The following DLGAP2 variants were observed in gnomAD, a reference collection of about 807,000 sequenced individuals.
DLGAP2 encodes the protein disks large-associated protein 2.
In DLGAP2, 26 loss-of-function variants were observed where a neutral mutation model predicts 100.3. The observed-to-expected ratio is 0.26, with a 90% confidence interval of 0.19 to 0.36. The LOEUF is 0.36. DLGAP2 is among the 10% of genes least tolerant of loss of function. The probability of loss-of-function intolerance (pLI) is 1.00; values close to 1 mark genes in which losing one functional copy is unlikely to be tolerated. For missense variants in DLGAP2, 1,858 were observed against 1,453.2 expected, an observed-to-expected ratio of 1.28 and a Z score of -4.53; for synonymous variants, 886 against 630.1, an observed-to-expected ratio of 1.41 and a Z score of -6.08.
chr8:1,223,260 C>T (rs1048424637), intron 2 of DLGAP2, among the ~76,000 whole-genome samples: 38 of 152,216 alleles, frequency 2.5e-4, no homozygotes, highest in Admixed American at 2.2e-3. Context: ...TGTGTCCTCA[C>T]TGTCCACTTT....
chr8:1,390,800 C>G (rs915245605), intron 3 of DLGAP2, among the ~76,000 whole-genome samples: 2 of 152,208 alleles, frequency 1.3e-5, no homozygotes, highest in South Asian at 4.1e-4. Flanking sequence ...TTTCAAGTCT[C>G]TTATCCACAG....
chr8:1,111,854 C>A (rs1804968160), intron 2 of DLGAP2, among the ~76,000 whole-genome samples: 1 of 152,076 alleles, frequency 6.6e-6, no homozygotes, highest in African/African-American at 2.4e-5. Flanking sequence ...GTGAATAGTG[C>A]TGCAGTGAGC....
chr8:1,007,629 T>G (rs1024137014), intron 2 of DLGAP2, among the ~76,000 whole-genome samples: 2 of 125,420 alleles, frequency 1.6e-5, no homozygotes, highest in African/African-American at 6.2e-5. Context: ...GGGTAGTTTT[T>G]TTTTTTGGGG....
At chr8:1,116,162 C>T (rs1018929581) in intron 2 of DLGAP2, among the ~76,000 whole-genome samples, 14 of 152,304 alleles carry the variant, frequency 9.2e-5, no homozygotes, top group Admixed American at 2.0e-4. Flanking sequence ...CCATGGGGTG[C>T]GCAGGCGTCA....
chr8:997,728 A>G (rs973157807), intron 2 of DLGAP2, among the ~76,000 whole-genome samples: 8 of 152,232 alleles, frequency 5.3e-5, no homozygotes, highest in African/African-American at 1.7e-4. Context: ...TTAAAACAAT[A>G]TAATTTTTGA....
In DLGAP2 at chr8:1,287,204, A is replaced by AGT. The variant is rs142438693; in HGVS notation, c.106+28342_106+28343dup. Among the ~76,000 whole-genome samples the AGT allele has an allele frequency of 8.2e-4, 89 of 108,948 alleles. 1 individual carries two copies. Among genetic ancestry groups the AGT allele is most frequent in the South Asian group, 5.1e-3 (15 of 2,956 alleles). 71.5% of individuals were successfully genotyped at this position (108,948 alleles called of 152,430 possible). ...TTAGGAGGGGAACTAGTTTTGGTTCAGTGTGTGTGTGTGTGTGTGTGTATG... is the reference window on the plus strand; with the variant it reads ...TTAGGAGGGGAACTAGTTTTGGTTCAGTGTGTGTGTGTGTGTGTGTGTGTATG... On this transcript the variant is annotated intron_variant, in intron 3 of 14. Coordinates refer to ENST00000637795, the MANE Select transcript of DLGAP2 (RefSeq NM_001346810.2).
intron 1 of DLGAP2, among the ~76,000 whole-genome samples, chr8:886,306 A>AT (rs1158939205): frequency 6.6e-6 from 1 of 150,538 alleles, no homozygotes; most frequent in Admixed American, 6.6e-5. Flanking sequence ...TATTTTGTTA[A>AT]TTTTTTTCAA....
rs529778829 is a variant in DLGAP2, at chr8:1,174,380, A to G, written c.74-84471A>G. Among the ~76,000 whole-genome samples the G allele has an allele frequency of 1.8e-4, 28 of 151,964 alleles. No homozygotes were observed. In the East Asian group the frequency reaches 5.0e-3, roughly 27 times the overall value. ...CATCACCAAAATCATTATCATTACCATTACCACCATCATCATTACCATCAC... is the reference window on the plus strand; with the variant it reads ...CATCACCAAAATCATTATCATTACCGTTACCACCATCATCATTACCATCAC... On this transcript the variant is annotated intron_variant, in intron 2 of 14. Coordinates refer to ENST00000637795, the MANE Select transcript of DLGAP2 (RefSeq NM_001346810.2).
At position 1,198,767 on chromosome 8, in the gene DLGAP2, C is replaced by T. The variant is rs550300374; in HGVS notation, c.74-60084C>T. ...GTCCTTTGGCAAGACCACACCTGAA[C>T]GATGCTTCCCCTTTCCCTCGGGAGT... On this transcript the variant is annotated intron_variant, in intron 2 of 14. Coordinates refer to ENST00000637795, the MANE Select transcript of DLGAP2 (RefSeq NM_001346810.2). Among the ~76,000 whole-genome samples, 12 of 152,356 alleles carry T rather than the reference C, an allele frequency of 7.9e-5. 1 individual carries two copies. In the South Asian group the frequency reaches 1.9e-3, roughly 24 times the overall value.
chr8:870,824 C>A (rs987234070), intron 1 of DLGAP2, among the ~76,000 whole-genome samples: 48 of 152,048 alleles, frequency 3.2e-4, no homozygotes, highest in African/African-American at 1.1e-3. Flanking sequence ...CCGGGCCGGG[C>A]CTGGAGTCTT....
intron 4 of DLGAP2, among the ~76,000 whole-genome samples, chr8:1,511,877 T>C (rs917424597): frequency 1.3e-5 from 2 of 152,214 alleles, no homozygotes; most frequent in East Asian, 3.8e-4. Flanking sequence ...AAAATCTGTT[T>C]AGGAATTGGA....
At chr8:1,100,025 T>G (rs1042923457) in intron 2 of DLGAP2, among the ~76,000 whole-genome samples, 1 of 152,250 alleles carries the variant, frequency 6.6e-6, no homozygotes, top group Admixed American at 6.5e-5. Context: ...GTCATAAGTT[T>G]TGAATTGCAC....
intron 2 of DLGAP2, among the ~76,000 whole-genome samples, chr8:1,057,753 A>C (rs547676282): frequency 6.6e-6 from 1 of 152,312 alleles, no homozygotes; most frequent in South Asian, 2.1e-4. Context: ...TGATACTAAC[A>C]CCAGAGGTTA....
At chr8:1,255,017 T>TCC (rs1799152863) in intron 2 of DLGAP2, among the ~76,000 whole-genome samples, 2 of 113,872 alleles carry the variant, frequency 1.8e-5, no homozygotes, top group African/African-American at 3.5e-5. Context: ...TTGGGCGCTG[T>TCC]GTGTGTGTCT....
intron 6 of DLGAP2, 119 bp from the exon 7 acceptor site, chr8:1,626,621 T>C: frequency 7.5e-7 from 1 of 1,331,494 alleles, no homozygotes; most frequent in Middle Eastern, 1.8e-4. Context: ...GGACGGTCGT[T>C]CCCACCTCTG....
chr8:967,979 C>T (rs577237524), intron 2 of DLGAP2, among the ~76,000 whole-genome samples: 1 of 149,678 alleles, frequency 6.7e-6, no homozygotes, highest in Non-Finnish European at 1.5e-5. Flanking sequence ...TGTATTTAGT[C>T]TGTAGCTTCT....
intron 2 of DLGAP2, among the ~76,000 whole-genome samples, chr8:1,160,330 G>C (rs187768270): frequency 1.3e-5 from 2 of 152,294 alleles, no homozygotes; most frequent in East Asian, 1.9e-4. Context: ...GGTCCTTCTG[G>C]AGAGTCTGAG....
At chr8:1,449,220 GC>G (rs1487186610) in intron 3 of DLGAP2, among the ~76,000 whole-genome samples, 1 of 152,198 alleles carries the variant, frequency 6.6e-6, no homozygotes, top group East Asian at 1.9e-4. Context: ...GCCTCCTATT[GC>G]CAGGGAGGTT....
intron 2 of DLGAP2, among the ~76,000 whole-genome samples, chr8:1,227,429 C>T (rs11984786): frequency 2.6e-5 from 4 of 151,214 alleles, no homozygotes; most frequent in African/African-American, 9.7e-5. Flanking sequence ...TACTTTGAGC[C>T]TGTGGCTGTC....
Sources: gnomAD v4.1 joint callset for allele counts (sites outside exome capture counted in the v4.1 genomes callset) on GRCh38, gnomAD v4.1.1 for gene constraint, MANE v1.5 for transcripts, NCBI Gene and HGNC (gene_info 2026-07-23, HGNC 2026-07-21) for gene names.